KCND3: variants seen among roughly 807,000 people sequenced by gnomAD.
The protein encoded by KCND3 is A-type voltage-gated potassium channel KCND3.
A neutral mutation model predicts 51.1 loss-of-function variants in KCND3; 9 were observed. That is an observed-to-expected ratio of 0.18 (90% CI 0.11 to 0.31). KCND3 has a LOEUF of 0.31. Ranked by LOEUF, KCND3 falls within the 10% of genes least tolerant of loss-of-function variation. The pLI is 1.00. For synonymous variants in KCND3, 349 were observed against 368.0 expected, an observed-to-expected ratio of 0.95 and a Z score of 0.59; for missense variants, 526 against 903.8, an observed-to-expected ratio of 0.58 and a Z score of 5.36.
intron 2 of KCND3, among the ~76,000 whole-genome samples, chr1:111,971,053 A>G (rs947189090): frequency 2.0e-5 from 3 of 152,190 alleles, no homozygotes; most frequent in African/African-American, 7.2e-5. Context: ...AGTGTCTGGA[A>G]GTTCTGCCAA....
At chr1:111,874,627 A>T (rs1668968061) in intron 2 of KCND3, among the ~76,000 whole-genome samples, 1 of 152,226 alleles carries the variant, frequency 6.6e-6, no homozygotes, top group Non-Finnish European at 1.5e-5. Context: ...TTCCCAAGGA[A>T]GTCATCTAAG....
intron 2 of KCND3, among the ~76,000 whole-genome samples, chr1:111,868,062 A>G (rs1453333093): frequency 6.6e-6 from 1 of 152,274 alleles, no homozygotes; most frequent in African/African-American, 2.4e-5. Flanking sequence ...CAAACTAAAC[A>G]TAATAAGTGG....
At chr1:111,896,727 A>C (rs1339616943) in intron 2 of KCND3, among the ~76,000 whole-genome samples, 1 of 152,232 alleles carries the variant, frequency 6.6e-6, no homozygotes, top group Non-Finnish European at 1.5e-5. Context: ...GGAAGGTGGC[A>C]TCCCCTTTAT....
intron 2 of KCND3, among the ~76,000 whole-genome samples, chr1:111,977,702 C>A (rs1169206947): frequency 6.6e-6 from 1 of 152,214 alleles, no homozygotes; most frequent in Non-Finnish European, 1.5e-5. Flanking sequence ...CTCTCACATG[C>A]TCTCCTCTTT....
chr1:111,833,623 T>G lies in KCND3; in HGVS notation c.1107-46517A>C, dbSNP rs188449350. On this transcript the variant is annotated intron_variant, in intron 2 of 7. Coordinates refer to ENST00000302127, the MANE Select transcript of KCND3 (RefSeq NM_001378969.1). Reference sequence around the variant, plus strand: ...AATTAAAGAGAACGCTGTCCAAATGTTGGTGGTGCTGATTTCTGGCACAAT... The same window carrying G: ...AATTAAAGAGAACGCTGTCCAAATGGTGGTGGTGCTGATTTCTGGCACAAT... 2.6e-5 allele frequency among the ~76,000 whole-genome samples: 4 copies of G among 152,296 alleles called. No individual in the cohort carries two copies. In the East Asian group the frequency reaches 7.7e-4, roughly 29 times the overall value.
At chr1:111,830,424 G>T (rs1461587104) in intron 2 of KCND3, among the ~76,000 whole-genome samples, 3 of 152,168 alleles carry the variant, frequency 2.0e-5, no homozygotes, top group South Asian at 2.1e-4. Context: ...TGCAATCCCT[G>T]GAGCATATCT....
chr1:111,949,364 G>A (rs995411259), intron 2 of KCND3, among the ~76,000 whole-genome samples: 2 of 152,172 alleles, frequency 1.3e-5, no homozygotes, highest in African/African-American at 4.8e-5. Flanking sequence ...CCCCGCGGAG[G>A]TGCAGGAAAA....
chr1:111,777,355 G>T, intron 6 of KCND3, 82 bp from the exon 7 acceptor site: 1 of 1,475,852 alleles, frequency 6.8e-7, no homozygotes, highest in Non-Finnish European at 9.4e-7. Context: ...ATGGCTGCCT[G>T]TCTCTGTTCT....
At chr1:111,989,135 C>T (rs1184693070) in intron 1 of KCND3, 2 of 152,296 alleles carry the variant, frequency 1.3e-5, no homozygotes, top group African/African-American at 2.4e-5. Flanking sequence ...TCCGGGTTTC[C>T]ACTTTCAGCC....
chr1:111,876,901 G>T (rs1030647644), intron 2 of KCND3, among the ~76,000 whole-genome samples: 3 of 152,200 alleles, frequency 2.0e-5, no homozygotes, highest in African/African-American at 7.2e-5. Flanking sequence ...CCAGCATCAA[G>T]CCTGGCTCCC....
At position 111,775,819 on chromosome 1, in the gene KCND3, A is replaced by AACCCCCCCCCCC; in HGVS notation, c.*257_*258insGGGGGGGGGGGT. 9 of 97,702 alleles carry AACCCCCCCCCCC rather than the reference A, an allele frequency of 9.2e-5. No individual in the cohort carries two copies. Among genetic ancestry groups the AACCCCCCCCCCC allele is most frequent in the South Asian group, 1.9e-4 (1 of 5,200 alleles). The allele number at this position is 97,702 out of a possible 1,614,324, so 6.1% of individuals were successfully genotyped here. A position where few individuals can be genotyped will look rare whatever the true frequency, so the allele number is the denominator to read the frequency against. ...GCCTATATCCCCCGGCCTATCCCCG[A>AACCCCCCCCCCC]CCCCCCCACCCTCCCTCCCTTCCTC... On this transcript the variant is annotated 3_prime_UTR_variant, in exon 8 of 8. Coordinates refer to ENST00000302127, the MANE Select transcript of KCND3 (RefSeq NM_001378969.1).
At chr1:111,868,049 TGGCA>T (rs1668656834) in intron 2 of KCND3, among the ~76,000 whole-genome samples, 4 of 152,244 alleles carry the variant, frequency 2.6e-5, no homozygotes, top group Admixed American at 6.5e-5. Flanking sequence ...GCAGAGTGCC[TGGCA>T]AACTAAACAT....
At chr1:111,844,582 T>C (rs1040261125) in intron 2 of KCND3, among the ~76,000 whole-genome samples, 7 of 152,172 alleles carry the variant, frequency 4.6e-5, no homozygotes, top group African/African-American at 1.7e-4. Flanking sequence ...AAACACTTTC[T>C]TCATTCTCCA....
chr1:111,810,813 T>C (rs1665814092), intron 2 of KCND3, among the ~76,000 whole-genome samples: 1 of 152,306 alleles, frequency 6.6e-6, no homozygotes, highest in African/African-American at 2.4e-5. Flanking sequence ...TTCCAGAGTC[T>C]GTCTGGGTTT....
intron 2 of KCND3, among the ~76,000 whole-genome samples, chr1:111,883,763 G>C (rs781616912): frequency 2.9e-4 from 44 of 152,270 alleles, no homozygotes; most frequent in Non-Finnish European, 5.0e-4. Flanking sequence ...CCTTTATTCA[G>C]TGCTTATCAG....
chr1:111,812,064 C>T (rs1005751549), intron 2 of KCND3, among the ~76,000 whole-genome samples: 1 of 152,182 alleles, frequency 6.6e-6, no homozygotes, highest in Non-Finnish European at 1.5e-5. Flanking sequence ...AATCTTGCAT[C>T]ACAGGACCAT....
At chr1:111,978,680 G>A (rs12134635) in intron 2 of KCND3, among the ~76,000 whole-genome samples, 36,228 of 152,124 alleles carry the variant, frequency 0.24, 4,739 homozygotes, top group Middle Eastern at 0.33. Flanking sequence ...CCTCCCTCCT[G>A]GGGGACCAGG....
intron 2 of KCND3, among the ~76,000 whole-genome samples, chr1:111,880,932 C>T (rs1033675149): frequency 4.6e-5 from 7 of 152,112 alleles, no homozygotes; most frequent in African/African-American, 1.7e-4. Flanking sequence ...CCTCCACTTG[C>T]TAGCCTCGGT....
chr1:111,857,115 T>C (rs1313788824), intron 2 of KCND3, among the ~76,000 whole-genome samples: 4 of 152,226 alleles, frequency 2.6e-5, no homozygotes, highest in Admixed American at 2.6e-4. Context: ...TTGATTTCAT[T>C]TACAAATAGT....
Sources: allele counts gnomAD v4.1 joint callset (sites outside exome capture counted in the v4.1 genomes callset), GRCh38; gene constraint gnomAD v4.1.1; transcripts MANE v1.5; gene names NCBI Gene and HGNC (gene_info 2026-07-23, HGNC 2026-07-21).